The following KLHL2 variants were observed in gnomAD, a reference collection of about 807,000 sequenced individuals.
KLHL2 encodes kelch-like protein 2.
A neutral mutation model predicts 75.8 loss-of-function variants in KLHL2; 15 were observed. The observed-to-expected ratio is 0.20, with a 90% CI of 0.13 to 0.30. The LOEUF is 0.30. KLHL2 is among the 10% of genes least tolerant of loss of function. The pLI, the probability that KLHL2 is intolerant of heterozygous loss-of-function variation, is 1.00. For synonymous variants in KLHL2, 214 were observed against 251.9 expected (o/e 0.85, Z 1.42); for missense variants, 381 against 741.0 (o/e 0.51, Z 5.64).
At chr4:165,285,451 G>A (rs1197703105) in intron 5 of KLHL2, among the ~76,000 whole-genome samples, 2 of 152,076 alleles carry the variant, frequency 1.3e-5, no homozygotes, top group Non-Finnish European at 2.9e-5. Context: ...TTGTTCCCTA[G>A]GCTAGAGTGC....
chr4:165,301,289 T>C (rs183597942), intron 8 of KLHL2, among the ~76,000 whole-genome samples: 75 of 152,352 alleles, frequency 4.9e-4, no homozygotes, highest in African/African-American at 1.7e-3. Context: ...TTCAAATGCT[T>C]TTCTCAAAAT....
At chr4:165,302,194 A>G (rs1445921025) in intron 8 of KLHL2, among the ~76,000 whole-genome samples, 5 of 152,200 alleles carry the variant, frequency 3.3e-5, no homozygotes, top group Non-Finnish European at 7.3e-5. Flanking sequence ...GTTTACTTGT[A>G]TGATCCCTTC....
chr4:165,305,898 T>G (rs1745692650), intron 9 of KLHL2, among the ~76,000 whole-genome samples, 173 bp downstream of exon 9: 1 of 152,230 alleles, frequency 6.6e-6, no homozygotes, highest in Admixed American at 6.5e-5. Flanking sequence ...ATTGATGGGA[T>G]AGCTACTCTG....
At chr4:165,225,529 G>T (rs1230663790) in intron 2 of KLHL2, among the ~76,000 whole-genome samples, 1 of 152,128 alleles carries the variant, frequency 6.6e-6, no homozygotes, top group Admixed American at 6.6e-5. Context: ...CAAGTAATAG[G>T]AACATAAACT....
intron 4 of KLHL2, among the ~76,000 whole-genome samples, chr4:165,254,149 A>G (rs1740966942): frequency 6.6e-6 from 1 of 152,262 alleles, no homozygotes; most frequent in South Asian, 2.1e-4. Context: ...TCCTGAGATC[A>G]GAGGAGCTTG....
intron 4 of KLHL2, among the ~76,000 whole-genome samples, chr4:165,242,480 C>T (rs1326655085): frequency 6.6e-6 from 1 of 151,990 alleles, no homozygotes; most frequent in Non-Finnish European, 1.5e-5. Context: ...GAATACTTGG[C>T]TTTATTTTTA....
At chr4:165,231,283 T>C (rs1029696182) in intron 3 of KLHL2, among the ~76,000 whole-genome samples, 1 of 152,120 alleles carries the variant, frequency 6.6e-6, no homozygotes, top group African/African-American at 2.4e-5. Context: ...AACCCATCTC[T>C]ATCAAAATAT....
chr4:165,279,916 C>T (rs931041462), intron 5 of KLHL2, among the ~76,000 whole-genome samples: 1 of 152,228 alleles, frequency 6.6e-6, no homozygotes, highest in African/African-American at 2.4e-5. Flanking sequence ...AGAATCTATA[C>T]TGTTGGCTCA....
intron 4 of KLHL2, among the ~76,000 whole-genome samples, chr4:165,244,172 A>AT (rs1427479279): frequency 2.0e-5 from 3 of 151,894 alleles, no homozygotes; most frequent in South Asian, 2.1e-4. Flanking sequence ...GAAAACATTT[A>AT]TTTTTTTTCC....
chr4:165,244,897 A>G (rs1740128420), intron 4 of KLHL2, among the ~76,000 whole-genome samples: 1 of 152,158 alleles, frequency 6.6e-6, no homozygotes, highest in African/African-American at 2.4e-5. Context: ...GACATTTTCA[A>G]AAAATAATTT....
chr4:165,274,009 T>G (rs1742884076), intron 5 of KLHL2, among the ~76,000 whole-genome samples: 1 of 152,216 alleles, frequency 6.6e-6, no homozygotes. Flanking sequence ...ATCACATAGC[T>G]TGTGAAGAAC....
At position 165,287,690 on chromosome 4, in the gene KLHL2, A is replaced by C. The variant is rs540429794; in HGVS notation, c.545-6669A>C. Among the ~76,000 whole-genome samples, 348 of 152,268 alleles carry C rather than the reference A, an allele frequency of 2.3e-3. 1 individual carries two copies. The highest frequency in any genetic ancestry group is 8.2e-3 in the African/African-American group (339 of 41,554). ...CTGGTTTGTTTGTTTGTTTGCTAGT[A>C]GCCACCCTAATGGGTGTGGGGTAAT... On this transcript the variant is annotated intron_variant, in intron 5 of 14. Transcript: ENST00000226725.
At position 165,211,533 on chromosome 4, in the gene KLHL2, GT is replaced by G. The variant is rs367608844; in HGVS notation, c.26+3634del. Reference sequence around the variant, plus strand: ...GCTACAGGATACCCAGTATTCATTTGTTTGTCTGTTATAGTGCATTGGAGTG... The same window carrying G: ...GCTACAGGATACCCAGTATTCATTTGTTGTCTGTTATAGTGCATTGGAGTG... On this transcript the variant is annotated intron_variant, in intron 1 of 14. Coordinates refer to ENST00000226725, the MANE Select transcript of KLHL2 (RefSeq NM_007246.4). Among the ~76,000 whole-genome samples, 348 of 152,242 alleles carry G rather than the reference GT, an allele frequency of 2.3e-3. 2 individuals carry two copies. The highest frequency in any genetic ancestry group is 7.9e-3 in the African/African-American group (328 of 41,536).
At chr4:165,219,476 G>T (rs1485547585) in intron 1 of KLHL2, among the ~76,000 whole-genome samples, 4 of 152,222 alleles carry the variant, frequency 2.6e-5, no homozygotes, top group Non-Finnish European at 2.9e-5. Context: ...CAAAATATAT[G>T]GGGTTAATAT....
intron 4 of KLHL2, among the ~76,000 whole-genome samples, chr4:165,262,533 C>G (rs1469577463): frequency 6.6e-6 from 1 of 152,144 alleles, no homozygotes; most frequent in African/African-American, 2.4e-5. Flanking sequence ...TTCATTGAAT[C>G]ATAGCACCCC....
At chr4:165,212,209 T>C (rs1310897168) in intron 1 of KLHL2, among the ~76,000 whole-genome samples, 1 of 152,180 alleles carries the variant, frequency 6.6e-6, no homozygotes, top group African/African-American at 2.4e-5. Flanking sequence ...TGATTGAAAC[T>C]AATAGCAAAC....
At chr4:165,277,965 A>G in intron 5 of KLHL2, 3 of 1,088,236 alleles carry the variant, frequency 2.8e-6, no homozygotes, top group Non-Finnish European at 4.3e-6. Flanking sequence ...CATCTTGGGA[A>G]TCCATGAGTT....
intron 4 of KLHL2, among the ~76,000 whole-genome samples, chr4:165,243,937 G>A (rs993287662): frequency 2.0e-5 from 3 of 152,174 alleles, no homozygotes; most frequent in Non-Finnish European, 2.9e-5. Context: ...CAAATATGTA[G>A]GTTTACAATT....
In KLHL2 at chr4:165,305,739, A is replaced by C; in HGVS notation, c.1039+14A>C. On this transcript the variant is annotated intron_variant, in intron 9 of 14. Transcript: ENST00000226725. ...GGTGCAGGGCAGGTAAGCATGATGCATCATGGTCAATTCTCTACTCCTGGG... is the reference window on the plus strand; with the variant it reads ...GGTGCAGGGCAGGTAAGCATGATGCCTCATGGTCAATTCTCTACTCCTGGG... 6.6e-7 allele frequency: 1 copy of C among 1,526,048 alleles called. No individual in the cohort carries two copies. Among genetic ancestry groups the C allele is most frequent in the Non-Finnish European group, 9.1e-7 (1 of 1,099,536 alleles). The allele number at this position is 1,526,048 out of a possible 1,614,324, so 94.5% of individuals were successfully genotyped here.
Sources: gnomAD v4.1 joint callset for allele counts (sites outside exome capture counted in the v4.1 genomes callset) on GRCh38, gnomAD v4.1.1 for gene constraint, MANE v1.5 for transcripts, NCBI Gene and HGNC (gene_info 2026-07-23, HGNC 2026-07-21) for gene names.